Variants in NSMCE2 observed in about 807,000 individuals in gnomAD.
NSMCE2 encodes NSE2 SUMO ligase component of SMC5/6 complex.
In NSMCE2, 24 loss-of-function variants were observed where a neutral mutation model predicts 23.8. The observed-to-expected ratio is 1.01, with a 90% CI of 0.73 to 1.42. NSMCE2 has a LOEUF of 1.42. Ranked by LOEUF, NSMCE2 falls within the 40% of genes most tolerant of loss-of-function variation. NSMCE2 has a pLI of 0.00. For synonymous variants in NSMCE2, 92 were observed against 94.1 expected (o/e 0.98, Z 0.13); for missense variants, 284 against 296.5 (o/e 0.96, Z 0.31).
intron 5 of NSMCE2, among the ~76,000 whole-genome samples, 183 bp from the exon 6 acceptor site, chr8:125,357,036 A>G (rs536135835): frequency 6.6e-6 from 1 of 152,334 alleles, no homozygotes; most frequent in East Asian, 1.9e-4. Context: ...CTTATCAAAA[A>G]TAGTCAGAAT....
At chr8:125,358,624 G>C (rs977436454) in intron 7 of NSMCE2, among the ~76,000 whole-genome samples, 8 of 152,022 alleles carry the variant, frequency 5.3e-5, no homozygotes, top group Non-Finnish European at 8.8e-5. Context: ...CATTGACTTC[G>C]TTTGGCATTT....
chr8:125,118,161 C>T (rs947609668), intron 3 of NSMCE2, among the ~76,000 whole-genome samples: 5 of 152,012 alleles, frequency 3.3e-5, no homozygotes, highest in African/African-American at 9.7e-5. Context: ...GCCTGGCCAA[C>T]ATACCCAAAC....
chr8:125,248,239 G>C (rs956730828), intron 5 of NSMCE2, among the ~76,000 whole-genome samples: 2 of 152,180 alleles, frequency 1.3e-5, no homozygotes, highest in East Asian at 3.9e-4. Context: ...AAGGAAGCAT[G>C]CTTGGGAAGA....
In NSMCE2 at chr8:125,091,958, G is replaced by A. The variant is rs947094823; in HGVS notation, c.-111G>A. Reference sequence around the variant, plus strand: ...CAGACGGAGACAGCTTGGACTACCAGGTAGGGAAGAAGCGGGGGACGGCAA... The same window carrying A: ...CAGACGGAGACAGCTTGGACTACCAAGTAGGGAAGAAGCGGGGGACGGCAA... On this transcript the variant is annotated splice_region_variant and 5_prime_UTR_variant, in exon 1 of 8. Coordinates refer to ENST00000287437, the MANE Select transcript of NSMCE2 (RefSeq NM_173685.4). The A allele has an allele frequency of 1.3e-5, 2 of 152,510 alleles. No homozygotes were observed. Among genetic ancestry groups the A allele is most frequent in the Non-Finnish European group, 2.9e-5 (2 of 68,230 alleles). The allele number at this position is 152,510 out of a possible 1,614,324, so 9.4% of individuals were successfully genotyped here. A position where few individuals can be genotyped will look rare whatever the true frequency, so the allele number is the denominator to read the frequency against.
intron 1 of NSMCE2, among the ~76,000 whole-genome samples, chr8:125,096,908 C>T (rs955243272): frequency 6.6e-6 from 1 of 152,094 alleles, no homozygotes; most frequent in Non-Finnish European, 1.5e-5. Context: ...CCACACCTGG[C>T]CCTCTGTGTA....
At chr8:125,338,552 T>G (rs17319046) in intron 5 of NSMCE2, among the ~76,000 whole-genome samples, 7,139 of 152,284 alleles carry the variant, frequency 0.047, 222 homozygotes, top group Non-Finnish European at 0.071. Flanking sequence ...CTGAATTTCG[T>G]TAGCAGTAGC....
chr8:125,143,072 C>T (rs1039390114), intron 3 of NSMCE2, among the ~76,000 whole-genome samples: 4 of 151,346 alleles, frequency 2.6e-5, no homozygotes, highest in Non-Finnish European at 4.4e-5. Context: ...CATTAGGCTC[C>T]CAGGACACCC....
At chr8:125,235,244 T>TAAA (rs60442484) in intron 5 of NSMCE2, among the ~76,000 whole-genome samples, 2 of 141,522 alleles carry the variant, frequency 1.4e-5, no homozygotes, top group African/African-American at 5.2e-5. Flanking sequence ...CCATCTCAAT[T>TAAA]AAAAAAAAAA....
chr8:125,121,479 A>T (rs894241764), intron 3 of NSMCE2, among the ~76,000 whole-genome samples: 20 of 152,204 alleles, frequency 1.3e-4, no homozygotes, highest in African/African-American at 4.8e-4. Context: ...CAAAAGGCTA[A>T]TAATTTTGTT....
intron 3 of NSMCE2, among the ~76,000 whole-genome samples, chr8:125,107,619 A>G (rs1818528866): frequency 6.6e-6 from 1 of 152,242 alleles, no homozygotes; most frequent in African/African-American, 2.4e-5. Context: ...AGGCACCAGC[A>G]GTTTTTTCCA....
intron 5 of NSMCE2, among the ~76,000 whole-genome samples, chr8:125,320,630 T>C (rs1178185885): frequency 6.6e-6 from 1 of 152,084 alleles, no homozygotes; most frequent in African/African-American, 2.4e-5. Context: ...CAGACTAGAA[T>C]TCCATACCCA....
intron 7 of NSMCE2, among the ~76,000 whole-genome samples, chr8:125,364,887 A>G (rs1252522208): frequency 6.6e-6 from 1 of 152,232 alleles, no homozygotes; most frequent in East Asian, 1.9e-4. Flanking sequence ...ACTAGCAAGT[A>G]GGTGGTAGAG....
chr8:125,219,800 C>T (rs10110958), intron 5 of NSMCE2, among the ~76,000 whole-genome samples: 11,491 of 152,236 alleles, frequency 0.075, 541 homozygotes, highest in Middle Eastern at 0.28. Context: ...ACCACACCAA[C>T]TGAAAAATCA....
chr8:125,294,675 G>A (rs10101690), intron 5 of NSMCE2, among the ~76,000 whole-genome samples: 129,687 of 152,208 alleles, frequency 0.85, 55,231 homozygotes, highest in Middle Eastern at 0.91. Flanking sequence ...TTCTTTACAA[G>A]ATGAATGTCA....
chr8:125,214,573 C>T (rs762143573), intron 5 of NSMCE2, among the ~76,000 whole-genome samples: 14 of 152,052 alleles, frequency 9.2e-5, no homozygotes, highest in Non-Finnish European at 1.8e-4. Flanking sequence ...AATTAATAGA[C>T]TTTATTTTTT....
chr8:125,279,219 C>T (rs767065314), intron 5 of NSMCE2, among the ~76,000 whole-genome samples: 3 of 152,158 alleles, frequency 2.0e-5, no homozygotes, highest in Non-Finnish European at 2.9e-5. Context: ...GGAGCTGAGA[C>T]GTGGCTGAGC....
chr8:125,251,232 T>A (rs1826185747), intron 5 of NSMCE2, among the ~76,000 whole-genome samples: 1 of 152,182 alleles, frequency 6.6e-6, no homozygotes, highest in African/African-American at 2.4e-5. Flanking sequence ...TTAGAAAGTT[T>A]CAGGGAGACG....
At chr8:125,256,371 G>T (rs557200192) in intron 5 of NSMCE2, among the ~76,000 whole-genome samples, 1 of 152,152 alleles carries the variant, frequency 6.6e-6, no homozygotes, top group East Asian at 1.9e-4. Context: ...AAAGCTAGAT[G>T]CCAGTGCCAC....
intron 5 of NSMCE2, among the ~76,000 whole-genome samples, chr8:125,248,069 AATAACT>A (rs1233177529): frequency 1.3e-5 from 2 of 152,228 alleles, no homozygotes; most frequent in Non-Finnish European, 2.9e-5. Flanking sequence ...TTAATGTCTT[AATAACT>A]ATATGTTAAA....
Sources: allele counts gnomAD v4.1 joint callset (sites outside exome capture counted in the v4.1 genomes callset), GRCh38; gene constraint gnomAD v4.1.1; transcripts MANE v1.5; gene names NCBI Gene and HGNC (gene_info 2026-07-23, HGNC 2026-07-21).